LATS1: variants seen among roughly 807,000 people sequenced by gnomAD.
LATS1 encodes the protein serine/threonine-protein kinase LATS1.
LATS1 carries 25 observed loss-of-function variants against 106.6 expected under a neutral mutation model. The ratio of observed to expected loss-of-function variants is 0.23; its 90% CI spans 0.17 to 0.33. The LOEUF (loss-of-function observed/expected upper bound fraction) is 0.33. Ranked by LOEUF, LATS1 falls within the 10% of genes least tolerant of loss-of-function variation. LATS1 has a pLI of 1.00. For missense variants in LATS1, 1,040 were observed against 1,382.6 expected (o/e 0.75, Z 3.93); for synonymous variants, 465 against 455.6 (o/e 1.02, Z -0.26).
intron 1 of LATS1, among the ~76,000 whole-genome samples, chr6:149,714,243 A>G (rs981858600): frequency 6.6e-6 from 1 of 152,136 alleles, no homozygotes; most frequent in Non-Finnish European, 1.5e-5. Flanking sequence ...AAGTGCTGGG[A>G]TTACAAGCAT....
chr6:149,686,579 T>A (rs1425045811), intron 3 of LATS1, among the ~76,000 whole-genome samples: 1 of 152,226 alleles, frequency 6.6e-6, no homozygotes, highest in Non-Finnish European at 1.5e-5. Context: ...TTTCTTCTGC[T>A]GATACTACTT....
intron 1 of LATS1, among the ~76,000 whole-genome samples, chr6:149,704,223 G>A (rs1432870530): frequency 2.0e-5 from 3 of 151,942 alleles, no homozygotes; most frequent in African/African-American, 4.8e-5. Flanking sequence ...GGCTGGTCTC[G>A]GACTCCCGAC....
rs1038321270 is a variant in LATS1 at position 149,661,614 on chromosome 6, A to G, written c.*115T>C. Reference sequence around the variant, plus strand: ...AATTTAGGAAAATAAAATATTGTACACAGAGCACACATATATAGCTCTGTC... The same window carrying G: ...AATTTAGGAAAATAAAATATTGTACGCAGAGCACACATATATAGCTCTGTC... On this transcript the variant is annotated 3_prime_UTR_variant, in exon 8 of 8. Transcript: ENST00000543571. The G allele has an allele frequency of 1.3e-6, 1 of 764,670 alleles. No homozygotes were observed. The highest frequency in any genetic ancestry group is 2.8e-5 in the Admixed American group (1 of 35,910). The allele number at this position is 764,670 out of a possible 1,614,324, so 47.4% of individuals were successfully genotyped here.
At position 149,660,642 on chromosome 6, in the gene LATS1, T is replaced by C. The variant is rs562492186; in HGVS notation, c.*1087A>G. On this transcript the variant is annotated 3_prime_UTR_variant, in exon 8 of 8. Coordinates refer to ENST00000543571, the MANE Select transcript of LATS1 (RefSeq NM_004690.4). ...CATAACAGGCATGTTGAACGCATTA[T>C]TGAACCTTAAATAAATTAGGAGGAC... 9 of 231,728 alleles carry C rather than the reference T, an allele frequency of 3.9e-5. No individual in the cohort carries two copies. The highest frequency in any genetic ancestry group is 1.8e-4 in the South Asian group (1 of 5,510). 14.4% of individuals were successfully genotyped at this position (231,728 alleles called of 1,614,324 possible). A position where few individuals can be genotyped will look rare whatever the true frequency, so the allele number is the denominator to read the frequency against.
chr6:149,662,277 T>C (rs749087928), intron 7 of LATS1, 39 bp from the exon 8 acceptor site: 2 of 1,476,882 alleles, frequency 1.4e-6, no homozygotes, highest in Admixed American at 4.5e-5. Context: ...AGAGATAAAT[T>C]AGAAAAATAA....
In LATS1 at chr6:149,658,984, AT is replaced by A; in HGVS notation, c.*2744del. ...CTCCATTTCAATGGAAAGCATCTAT[AT>A]TTTTAACATTGTTTTTCTCATCTTT... On this transcript the variant is annotated 3_prime_UTR_variant, in exon 8 of 8. Transcript: ENST00000543571. 1 of 152,258 alleles carries A rather than the reference AT, an allele frequency of 6.6e-6. No homozygotes were observed. The highest frequency in any genetic ancestry group is 6.5e-5 in the Admixed American group (1 of 15,276). The allele number at this position is 152,258 out of a possible 1,614,324, so 9.4% of individuals were successfully genotyped here.
chr6:149,664,327 G>A (rs926805157), intron 7 of LATS1, among the ~76,000 whole-genome samples: 4 of 128,382 alleles, frequency 3.1e-5, no homozygotes, highest in Non-Finnish European at 6.3e-5. Context: ...ATAATCATTA[G>A]AGTCTCAAAA....
chr6:149,691,921 C>G (rs1782779537), intron 3 of LATS1, among the ~76,000 whole-genome samples: 1 of 152,186 alleles, frequency 6.6e-6, no homozygotes, highest in African/African-American at 2.4e-5. Context: ...CTTCTACCAT[C>G]ACGCACCATA....
chr6:149,688,305 T>C (rs1782523259), intron 3 of LATS1, among the ~76,000 whole-genome samples: 1 of 152,012 alleles, frequency 6.6e-6, no homozygotes. Flanking sequence ...TTTGGGTTTT[T>C]TGTTTGTTTG....
chr6:149,669,716 G>C (rs549108143), intron 7 of LATS1, among the ~76,000 whole-genome samples: 2 of 151,694 alleles, frequency 1.3e-5, no homozygotes, highest in Admixed American at 6.6e-5. Flanking sequence ...CTGAGATCAC[G>C]ACCCTGCACT....
Position 149,684,318 on chromosome 6 carries a change from A to AG in LATS1, c.770dup (p.Pro258SerfsTer57), listed in dbSNP as rs1415142561. The AG allele has an allele frequency of 6.2e-7, 1 of 1,613,640 alleles. No individual in the cohort carries two copies. Among genetic ancestry groups the AG allele is most frequent in the Non-Finnish European group, 8.5e-7 (1 of 1,179,864 alleles). ...GGGGAGGTGGAGTTGTACCTCTTGG[A>AG]GGGGGAGTCTGGCCTCTTGGAGGTG... is the stretch of plus-strand genomic sequence containing the variant. On this transcript the variant is annotated frameshift_variant, in exon 4 of 8. Coordinates refer to ENST00000543571, the MANE Select transcript of LATS1 (RefSeq NM_004690.4). LOFTEE classifies it high-confidence loss of function.
intron 2 of LATS1, chr6:149,697,297 T>C (rs1473623777): frequency 1.2e-5 from 6 of 515,474 alleles, no homozygotes; most frequent in Non-Finnish European, 2.0e-5. Flanking sequence ...GTTACTGATT[T>C]TGTTGGAAGC....
At chr6:149,692,746 C>T (rs1782837095) in intron 3 of LATS1, among the ~76,000 whole-genome samples, 5 of 151,356 alleles carry the variant, frequency 3.3e-5, no homozygotes, top group Admixed American at 3.3e-4. Context: ...GCGATCTCAG[C>T]TTACCGAAAC....
intron 4 of LATS1, 62 bp downstream of exon 4, chr6:149,683,017 T>C (rs4401678): frequency 1.5e-6 from 2 of 1,336,388 alleles, no homozygotes; most frequent in East Asian, 4.7e-5. Flanking sequence ...CACAATATTT[T>C]AAAATAAACA....
intron 3 of LATS1, among the ~76,000 whole-genome samples, chr6:149,688,147 T>C (rs935642259): frequency 3.3e-5 from 5 of 152,156 alleles, no homozygotes; most frequent in African/African-American, 1.2e-4. Flanking sequence ...AGTGCTGGGA[T>C]TCCAGGCATG....
At chr6:149,695,452 T>A (rs1286750695) in intron 2 of LATS1, among the ~76,000 whole-genome samples, 1 of 152,112 alleles carries the variant, frequency 6.6e-6, no homozygotes, top group Admixed American at 6.5e-5. Flanking sequence ...GGTGGTCAGA[T>A]CACTTAAGAC....
chr6:149,669,929 T>C (rs938910433), intron 7 of LATS1, among the ~76,000 whole-genome samples: 2 of 151,694 alleles, frequency 1.3e-5, no homozygotes, highest in African/African-American at 2.4e-5. Context: ...CCCAACACTT[T>C]GGGAGGCCGA....
chr6:149,660,500 T>C lies in LATS1; in HGVS notation c.*1229A>G, dbSNP rs1562313407. 4.3e-6 allele frequency: 1 copy of C among 233,080 alleles called. No homozygotes were observed. The highest frequency in any genetic ancestry group is 8.5e-6 in the Non-Finnish European group (1 of 117,964). The allele number at this position is 233,080 out of a possible 1,614,324, so 14.4% of individuals were successfully genotyped here. On this transcript the variant is annotated 3_prime_UTR_variant, in exon 8 of 8. Coordinates refer to ENST00000543571, the MANE Select transcript of LATS1 (RefSeq NM_004690.4). ...ATCAGTGGAGCTTAAGAAAAGGAAA[T>C]AAAACACAACACAAATTTTACTATG...
rs1355147203 is a variant in LATS1 at position 149,683,882 on chromosome 6, C to G, written c.1207G>C (p.Gly403Arg). 6.2e-7 allele frequency: 1 copy of G among 1,614,086 alleles called. No homozygotes were observed. Among genetic ancestry groups the G allele is most frequent in the South Asian group, 1.1e-5 (1 of 91,074 alleles). The change falls in exon 4 of 8, where the codon GGA becomes CGA. Residue 403 changes from glycine to arginine, a missense_variant. This residue lies in a region of LATS1 where 624 missense variants were observed against 714.8 expected (regional missense o/e 0.87). Transcript: ENST00000543571. ...GSAAPSSYTN[G>R]SIPQSMMVPN... ...ACCATCATAGACTGAGGAATACTTC[C>G]ATTTGTATATGACGAAGGAGCAGCA... is the stretch of plus-strand genomic sequence containing the variant.
Sources: allele counts gnomAD v4.1 joint callset (sites outside exome capture counted in the v4.1 genomes callset), GRCh38; gene constraint gnomAD v4.1.1; regional missense constraint gnomAD v4.1.1; transcripts MANE v1.5; gene names NCBI Gene and HGNC (gene_info 2026-07-23, HGNC 2026-07-21).